Variants in CADM2 observed in about 807,000 individuals in gnomAD.
The protein encoded by CADM2 is cell adhesion molecule 2, also known as immunoglobulin superfamily member 4D.
CADM2 carries 12 observed loss-of-function variants against 49.8 expected under a neutral mutation model. That is an observed-to-expected ratio of 0.24 (90% CI 0.15 to 0.39). The LOEUF is 0.39. Ranked by LOEUF, CADM2 falls within the 10% of genes least tolerant of loss-of-function variation. CADM2 has a pLI of 1.00. For missense variants in CADM2, 378 were observed against 492.3 expected (o/e 0.77, Z 2.20); for synonymous variants, 214 against 175.4 (o/e 1.22, Z -1.74).
chr3:84,959,788 T>TC (rs947335424), intron 1 of CADM2, 120 bp downstream of exon 1: 1 of 875,636 alleles, frequency 1.1e-6, no homozygotes, highest in Non-Finnish European at 1.8e-6. Flanking sequence ...TTCCACCCCC[T>TC]CCCCCTACTC....
intron 1 of CADM2, among the ~76,000 whole-genome samples, chr3:85,603,674 T>A (rs2063478515): frequency 6.6e-6 from 1 of 151,928 alleles, no homozygotes; most frequent in African/African-American, 2.4e-5. Flanking sequence ...GTGTTTCCTC[T>A]GTACTTGGTA....
chr3:85,421,306 A>G (rs1229804951), intron 1 of CADM2, among the ~76,000 whole-genome samples: 1 of 152,078 alleles, frequency 6.6e-6, no homozygotes, highest in African/African-American at 2.4e-5. Flanking sequence ...AATGATCATC[A>G]TTTATTGCTT....
chr3:85,284,474 G>A (rs996393974), intron 1 of CADM2, among the ~76,000 whole-genome samples: 1 of 152,046 alleles, frequency 6.6e-6, no homozygotes, highest in Non-Finnish European at 1.5e-5. Context: ...GTGTAGGGGT[G>A]TTGTGGATGT....
intron 1 of CADM2, among the ~76,000 whole-genome samples, chr3:85,410,557 G>T (rs1226955311): frequency 6.6e-6 from 1 of 152,034 alleles, no homozygotes; most frequent in African/African-American, 2.4e-5. Flanking sequence ...TTTTAAAAAG[G>T]ATTTGGCTTT....
intron 1 of CADM2, among the ~76,000 whole-genome samples, chr3:85,354,319 C>G (rs1430082691): frequency 8.3e-6 from 1 of 120,946 alleles, no homozygotes; most frequent in Non-Finnish European, 1.6e-5. Context: ...CACATGGACA[C>G]AGGAAGGGGA....
At chr3:85,829,782 C>CT (rs367756238) in intron 3 of CADM2, among the ~76,000 whole-genome samples, 140 of 152,096 alleles carry the variant, frequency 9.2e-4, no homozygotes, top group African/African-American at 3.2e-3. Context: ...CCTTTCTGCG[C>CT]TTGACTTACT....
chr3:85,308,310 TACACACACACAC>T (rs10662960), intron 1 of CADM2, among the ~76,000 whole-genome samples: 11 of 143,506 alleles, frequency 7.7e-5, no homozygotes, highest in Non-Finnish European at 1.2e-4. Context: ...TCTACCTCTC[TACACACACACAC>T]ACACACACAC....
At chr3:85,228,492 A>G (rs2042210893) in intron 1 of CADM2, among the ~76,000 whole-genome samples, 1 of 151,676 alleles carries the variant, frequency 6.6e-6, no homozygotes, top group Non-Finnish European at 1.5e-5. Flanking sequence ...ACCTGTGGAT[A>G]GGGATTTGGT....
chr3:85,518,432 T>C (rs926878898), intron 1 of CADM2, among the ~76,000 whole-genome samples: 1 of 152,152 alleles, frequency 6.6e-6, no homozygotes, highest in African/African-American at 2.4e-5. Context: ...CTTTTTTTTT[T>C]TTTTAAATCA....
At chr3:86,051,035 A>C (rs78784147) in intron 8 of CADM2, among the ~76,000 whole-genome samples, 5,681 of 152,270 alleles carry the variant, frequency 0.037, 214 homozygotes, top group African/African-American at 0.095. Context: ...GGCCAGGTTG[A>C]AAATTTTCCA....
intron 1 of CADM2, among the ~76,000 whole-genome samples, chr3:85,521,796 G>A (rs1161159060): frequency 2.0e-5 from 3 of 151,976 alleles, no homozygotes; most frequent in East Asian, 1.9e-4. Flanking sequence ...AAGGTCACTC[G>A]AAATCAGTGA....
intron 3 of CADM2, among the ~76,000 whole-genome samples, chr3:85,858,639 T>C (rs972663000): frequency 6.6e-6 from 1 of 152,190 alleles, no homozygotes; most frequent in African/African-American, 2.4e-5. Context: ...AATAAACTAC[T>C]CCTCTATTAC....
chr3:85,889,949 T>C (rs1489435102), intron 5 of CADM2, among the ~76,000 whole-genome samples: 1 of 152,068 alleles, frequency 6.6e-6, no homozygotes, highest in Admixed American at 6.6e-5. Context: ...CAACAGTTCA[T>C]TGATGGAAGC....
rs574738067 is a variant in CADM2, at chr3:85,474,585, T to C, written c.62-251937T>C. Among the ~76,000 whole-genome samples, 4 of 152,026 alleles carry C rather than the reference T, an allele frequency of 2.6e-5. No individual in the cohort carries two copies. The South Asian group carries it at 8.3e-4, about 32-fold the overall frequency. ...AGCATATCATTACCTAAATGAGTGATTAAAACACTCCCAAAAATATTTCAA... is the reference window on the plus strand; with the variant it reads ...AGCATATCATTACCTAAATGAGTGACTAAAACACTCCCAAAAATATTTCAA... On this transcript the variant is annotated intron_variant, in intron 1 of 9. Transcript: ENST00000383699.
At chr3:85,217,979 A>G (rs999472917) in intron 1 of CADM2, among the ~76,000 whole-genome samples, 1 of 152,058 alleles carries the variant, frequency 6.6e-6, no homozygotes, top group Non-Finnish European at 1.5e-5. Context: ...TTTGGCCTTT[A>G]GCTGTGTATC....
chr3:85,393,846 T>C (rs1248883344), intron 1 of CADM2, among the ~76,000 whole-genome samples: 1 of 152,182 alleles, frequency 6.6e-6, no homozygotes, highest in Non-Finnish European at 1.5e-5. Context: ...TGAAATATAT[T>C]ATGAGGCTTC....
chr3:84,995,219 G>C (rs371211569), intron 1 of CADM2, among the ~76,000 whole-genome samples: 1 of 151,994 alleles, frequency 6.6e-6, no homozygotes. Flanking sequence ...ATGTTATAGC[G>C]GACCTGCCAT....
intron 2 of CADM2, among the ~76,000 whole-genome samples, chr3:85,729,696 C>T (rs1244653048): frequency 6.6e-6 from 1 of 152,150 alleles, no homozygotes; most frequent in Non-Finnish European, 1.5e-5. Flanking sequence ...CTTGGTCTAA[C>T]GTATTGCTAA....
intron 8 of CADM2, among the ~76,000 whole-genome samples, chr3:85,971,008 G>A (rs1726056556): frequency 6.6e-6 from 1 of 151,358 alleles, no homozygotes; most frequent in Admixed American, 6.6e-5. Flanking sequence ...TTAATCATAA[G>A]GATATTATAT....
Sources: gnomAD v4.1 joint callset for allele counts (sites outside exome capture counted in the v4.1 genomes callset) on GRCh38, gnomAD v4.1.1 for gene constraint, MANE v1.5 for transcripts, NCBI Gene and HGNC (gene_info 2026-07-23, HGNC 2026-07-21) for gene names.